ACVR1C: variants seen among roughly 807,000 people sequenced by gnomAD.
ACVR1C encodes the protein activin receptor type-1C.
Under a neutral mutation model 57.9 loss-of-function variants are expected in ACVR1C, and 23 were observed. That is an observed-to-expected ratio of 0.40 (90% CI 0.29 to 0.56). ACVR1C has a LOEUF of 0.56. Among genes scored for constraint, ACVR1C ranks in the 20% least tolerant of loss-of-function variants. The probability of loss-of-function intolerance (pLI) is 0.50; values close to 1 mark genes in which losing one functional copy is unlikely to be tolerated. For synonymous variants in ACVR1C, 214 were observed against 215.3 expected (o/e 0.99, Z 0.05); for missense variants, 480 against 607.9 (o/e 0.79, Z 2.21).
intron 1 of ACVR1C, among the ~76,000 whole-genome samples, chr2:157,600,210 G>A (rs976582160): frequency 6.6e-6 from 1 of 152,298 alleles, no homozygotes; most frequent in East Asian, 1.9e-4. Flanking sequence ...TTGGAGGTCT[G>A]TTAAGTCACT....
At chr2:157,573,555 T>C (rs1395934711) in intron 2 of ACVR1C, among the ~76,000 whole-genome samples, 4 of 152,054 alleles carry the variant, frequency 2.6e-5, no homozygotes, top group Non-Finnish European at 5.9e-5. Flanking sequence ...TTTTTTTTTC[T>C]GTTGAATAGT....
At chr2:157,554,368 AAGGG>A (rs367753314) in intron 3 of ACVR1C, among the ~76,000 whole-genome samples, 29 of 139,650 alleles carry the variant, frequency 2.1e-4, no homozygotes, top group African/African-American at 3.0e-4. Context: ...AGAAAGAAAG[AAGGG>A]AGGGAGGGAG....
In ACVR1C at chr2:157,529,896, T is replaced by A. The variant is rs891442749; in HGVS notation, c.*4022A>T. The A allele has an allele frequency of 7.2e-5, 11 of 152,134 alleles. No homozygotes were observed. Among genetic ancestry groups the A allele is most frequent in the Non-Finnish European group, 1.3e-4 (9 of 68,000 alleles). 9.4% of individuals were successfully genotyped at this position (152,134 alleles called of 1,614,324 possible). ...AATTCTATTTAATATTAACATTTTT[T>A]AAAAACTTACATTCCAATTAACTTT... On this transcript the variant is annotated 3_prime_UTR_variant, in exon 9 of 9. Coordinates refer to ENST00000243349, the MANE Select transcript of ACVR1C (RefSeq NM_145259.3).
intron 2 of ACVR1C, among the ~76,000 whole-genome samples, chr2:157,581,269 A>C (rs1171980082): frequency 6.6e-6 from 1 of 152,240 alleles, no homozygotes; most frequent in Non-Finnish European, 1.5e-5. Flanking sequence ...CAGCAGAATC[A>C]AAAACAGCAG....
chr2:157,587,456 A>T, intron 1 of ACVR1C, 39 bp from the exon 2 acceptor site: 1 of 1,382,634 alleles, frequency 7.2e-7, no homozygotes, highest in East Asian at 2.3e-5. Context: ...AATACAAAAG[A>T]CATCATGCTA....
At chr2:157,616,155 T>C (rs1682645034) in intron 1 of ACVR1C, among the ~76,000 whole-genome samples, 1 of 152,206 alleles carries the variant, frequency 6.6e-6, no homozygotes, top group South Asian at 2.1e-4. Flanking sequence ...ACATATTTTA[T>C]ATTACTTGTT....
intron 1 of ACVR1C, among the ~76,000 whole-genome samples, chr2:157,621,459 A>G (rs545813786): frequency 6.6e-6 from 1 of 152,242 alleles, no homozygotes; most frequent in Non-Finnish European, 1.5e-5. Flanking sequence ...ATCCCTAAGT[A>G]GGAGGAGTAG....
At position 157,531,638 on chromosome 2, in the gene ACVR1C, T is replaced by C. The variant is rs995181030; in HGVS notation, c.*2280A>G. The C allele has an allele frequency of 6.6e-6, 1 of 152,120 alleles. No homozygotes were observed. The highest frequency in any genetic ancestry group is 1.9e-4 in the East Asian group (1 of 5,200). 9.4% of individuals were successfully genotyped at this position (152,120 alleles called of 1,614,324 possible). A position where few individuals can be genotyped will look rare whatever the true frequency, so the allele number is the denominator to read the frequency against. On this transcript the variant is annotated 3_prime_UTR_variant, in exon 9 of 9. Coordinates refer to ENST00000243349, the MANE Select transcript of ACVR1C (RefSeq NM_145259.3). ...GTAAATAAATAATTTCGTTCTTATA[T>C]ATGCAGAAAAACAATCTATGAGAAA...
chr2:157,583,846 T>C (rs1310866992), intron 2 of ACVR1C, among the ~76,000 whole-genome samples: 24 of 152,088 alleles, frequency 1.6e-4, no homozygotes. Flanking sequence ...CCTCACATAA[T>C]AACACAAATT....
chr2:157,612,603 G>C (rs1005839163), intron 1 of ACVR1C, among the ~76,000 whole-genome samples: 1 of 151,762 alleles, frequency 6.6e-6, no homozygotes, highest in African/African-American at 2.4e-5. Context: ...CCATGCCACT[G>C]CTGGGGACAG....
At chr2:157,597,312 CA>C in intron 1 of ACVR1C, 1 of 983,630 alleles carries the variant, frequency 1.0e-6, no homozygotes, top group Non-Finnish European at 1.2e-6. Context: ...CTCCCCACCC[CA>C]AAAAGGACCT....
intron 1 of ACVR1C, among the ~76,000 whole-genome samples, chr2:157,595,322 G>A (rs1252898948): frequency 6.6e-6 from 1 of 152,184 alleles, no homozygotes; most frequent in Non-Finnish European, 1.5e-5. Context: ...CCGCTCTTGG[G>A]TACATAGCAG....
intron 3 of ACVR1C, among the ~76,000 whole-genome samples, chr2:157,554,268 A>AAAGAAAGGAAGGAAGGAAGGAAGGAAGG (rs1261113225): frequency 9.7e-5 from 11 of 113,592 alleles, no homozygotes; most frequent in African/African-American, 5.7e-4. Context: ...AGAAAGAAAG[A>AAAGAAAGGAAGGAAGGAAGGAAGGAAGG]AAGGAAGGAA....
chr2:157,554,201 G>GAGAAAGAAAGAAAGAA (rs70987797), intron 3 of ACVR1C, among the ~76,000 whole-genome samples: 1,343 of 41,386 alleles, frequency 0.032, 124 homozygotes, highest in Middle Eastern at 0.061. Context: ...ATAAAGAAGA[G>GAGAAAGAAAGAAAGAA]AGAAAGAAAG....
At chr2:157,615,895 A>C (rs1408228749) in intron 1 of ACVR1C, among the ~76,000 whole-genome samples, 1 of 152,152 alleles carries the variant, frequency 6.6e-6, no homozygotes, top group African/African-American at 2.4e-5. Flanking sequence ...TTTATGTAAG[A>C]GGTATTTTTT....
Position 157,613,479 on chromosome 2 carries a change from G to A in ACVR1C, c.73+15093C>T, listed in dbSNP as rs144760340. ...TTTTTCCAAATATTTTCAATCTGCCGTTGATTGAATCTGCAGATGTGAAAC... is the reference window on the plus strand; with the variant it reads ...TTTTTCCAAATATTTTCAATCTGCCATTGATTGAATCTGCAGATGTGAAAC... On this transcript the variant is annotated intron_variant, in intron 1 of 8. Coordinates refer to ENST00000243349, the MANE Select transcript of ACVR1C (RefSeq NM_145259.3). 3.4e-3 allele frequency among the ~76,000 whole-genome samples: 516 copies of A among 151,796 alleles called. 2 individuals carry two copies. Among genetic ancestry groups the A allele is most frequent in the African/African-American group, 0.011 (474 of 41,356 alleles).
intron 1 of ACVR1C, among the ~76,000 whole-genome samples, chr2:157,596,705 G>C (rs1216699122): frequency 7.2e-5 from 11 of 152,136 alleles, no homozygotes; most frequent in Admixed American, 7.2e-4. Context: ...CCAATTCATA[G>C]CTAATATACA....
intron 3 of ACVR1C, among the ~76,000 whole-genome samples, chr2:157,553,571 T>C (rs182530111): frequency 4.6e-5 from 7 of 152,316 alleles, no homozygotes; most frequent in Non-Finnish European, 7.4e-5. Context: ...GTCTCTAGCA[T>C]TAAAATCTGA....
At chr2:157,538,418 C>A (rs888426774) in intron 8 of ACVR1C, among the ~76,000 whole-genome samples, 155 bp downstream of exon 8, 4 of 152,126 alleles carry the variant, frequency 2.6e-5, no homozygotes, top group African/African-American at 9.7e-5. Context: ...GCATGCACAG[C>A]ACTAAAGGGG....
Sources: allele counts gnomAD v4.1 joint callset (sites outside exome capture counted in the v4.1 genomes callset), GRCh38; gene constraint gnomAD v4.1.1; transcripts MANE v1.5; gene names NCBI Gene and HGNC (gene_info 2026-07-23, HGNC 2026-07-21).